GNE: variants seen among roughly 807,000 people sequenced by gnomAD.
The protein encoded by GNE is bifunctional UDP-N-acetylglucosamine 2-epimerase/N-acetylmannosamine kinase.
A neutral mutation model predicts 61.8 loss-of-function variants in GNE; 41 were observed. The ratio of observed to expected loss-of-function variants is 0.66; its 90% confidence interval spans 0.52 to 0.86. GNE has a LOEUF of 0.86. Ranked by LOEUF, GNE falls within the 40% of genes least tolerant of loss-of-function variation. The pLI is 0.00. For synonymous variants in GNE, 264 were observed against 326.4 expected, an observed-to-expected ratio of 0.81 and a Z score of 2.06; for missense variants, 608 against 909.1, an observed-to-expected ratio of 0.67 and a Z score of 4.26.
chr9:36,239,822 G>A (rs1169187672), intron 3 of GNE, among the ~76,000 whole-genome samples: 2 of 150,554 alleles, frequency 1.3e-5, no homozygotes, highest in African/African-American at 4.9e-5. Context: ...GAGGTCTTTT[G>A]ACTCCTTGGT....
rs541458680 is a variant in GNE at position 36,219,842 on chromosome 9, A to G, written c.1812T>C (p.His604=). 4 of 1,613,870 alleles carry G rather than the reference A, an allele frequency of 2.5e-6. No individual in the cohort carries two copies. Among genetic ancestry groups the G allele is most frequent in the Non-Finnish European group, 3.4e-6 (4 of 1,179,830 alleles). The change falls in exon 10 of 12, where the codon CAT becomes CAC. Residue 604 remains histidine, a synonymous_variant. Coordinates refer to ENST00000642385, the MANE Select transcript of GNE (RefSeq NM_005476.7). The part of the protein sequence containing the change: ...MALQREAKKL[H]DEDLLLVEGM... ...CCTCGAGAGAGGGACACCAACCATCATGGAGCTTTTTTGCCTCCCTCTGCA... is the reference window on the plus strand; with the variant it reads ...CCTCGAGAGAGGGACACCAACCATCGTGGAGCTTTTTTGCCTCCCTCTGCA...
In GNE at chr9:36,246,258, AT is replaced by A. The variant is rs1423445315; in HGVS notation, c.388del (p.Ile130SerfsTer21). 1.9e-6 allele frequency: 3 copies of A among 1,614,080 alleles called. No homozygotes were observed. Among genetic ancestry groups the A allele is most frequent in the Admixed American group, 3.3e-5 (2 of 60,022 alleles). On this transcript the variant is annotated frameshift_variant, in exon 3 of 12. Transcript: ENST00000642385. LOFTEE classifies it high-confidence loss of function. ...ATSAALMNIR[I>X]LHIEGGEVSG... is the part of the protein sequence containing the mutation. ...GACTTCCCCACCTTCAATGTGAAGG[AT>A]TCGGATGTTCATCAAGGCAGCAGAT...
At chr9:36,231,066 T>TAAAAAAAAA (rs529903965) in intron 5 of GNE, among the ~76,000 whole-genome samples, 56 of 68,294 alleles carry the variant, frequency 8.2e-4, no homozygotes, top group African/African-American at 2.3e-3. Flanking sequence ...ACTGCTTCAC[T>TAAAAAAAAA]AAAAAAAAAA....
At position 36,257,767 on chromosome 9, in the gene GNE, C is replaced by A. The variant is rs367722507; in HGVS notation, c.-43+554G>T. Among the ~76,000 whole-genome samples the A allele has an allele frequency of 3.4e-3, 423 of 125,540 alleles. 2 individuals carry two copies. The highest frequency in any genetic ancestry group is 0.012 in the African/African-American group (395 of 32,090). 82.4% of individuals were successfully genotyped at this position (125,540 alleles called of 152,430 possible). A position where few individuals can be genotyped will look rare whatever the true frequency, so the allele number is the denominator to read the frequency against. On this transcript the variant is annotated intron_variant, in intron 1 of 11. Coordinates refer to ENST00000642385, the MANE Select transcript of GNE (RefSeq NM_005476.7). ...GCAGTGAGCCGAGATCGCGCCACTGCACTCCAGCCTGGGCGACAGAGCGAG... is the reference window on the plus strand; with the variant it reads ...GCAGTGAGCCGAGATCGCGCCACTGAACTCCAGCCTGGGCGACAGAGCGAG...
chr9:36,276,899 G>A (rs777071346), exon 1 of GNE: 1 of 1,610,050 alleles, frequency 6.2e-7, no homozygotes, highest in South Asian at 1.1e-5. Flanking sequence ...CTTACATGAG[G>A]TCCTTGAAAG....
At chr9:36,241,297 A>G (rs1331762166) in intron 3 of GNE, among the ~76,000 whole-genome samples, 1 of 151,934 alleles carries the variant, frequency 6.6e-6, no homozygotes. Flanking sequence ...TGTATTTTTT[A>G]GTAGAGATGG....
intron 5 of GNE, among the ~76,000 whole-genome samples, chr9:36,230,680 G>A (rs894310289): frequency 3.4e-5 from 5 of 145,068 alleles, no homozygotes; most frequent in Non-Finnish European, 3.0e-5. Flanking sequence ...TTTTTTTTGA[G>A]ACGGAGTCTC....
intron 1 of GNE, among the ~76,000 whole-genome samples, chr9:36,252,597 C>T (rs943677980): frequency 5.3e-5 from 8 of 152,000 alleles, no homozygotes; most frequent in African/African-American, 1.9e-4. Flanking sequence ...ACCTAGAAAC[C>T]TAAAAAACCT....
intron 1 of GNE, among the ~76,000 whole-genome samples, chr9:36,275,353 A>G (rs1831222235): frequency 1.3e-5 from 2 of 152,202 alleles, no homozygotes; most frequent in African/African-American, 4.8e-5. Flanking sequence ...AAGAGAGAAC[A>G]TGATGTGATT....
intron 1 of GNE, among the ~76,000 whole-genome samples, chr9:36,256,365 C>G (rs1387638735): frequency 1.3e-5 from 2 of 151,280 alleles, no homozygotes; most frequent in East Asian, 3.9e-4. Context: ...CTATCTCAGC[C>G]TCCTGAGTAG....
intron 1 of GNE, among the ~76,000 whole-genome samples, chr9:36,270,642 C>T (rs938633275): frequency 3.3e-5 from 5 of 152,002 alleles, no homozygotes; most frequent in African/African-American, 9.7e-5. Context: ...CTCAGCCTCC[C>T]GAGTAGCTGG....
chr9:36,218,359 A>T lies in GNE; in HGVS notation c.1817-60T>A, dbSNP rs1375091180. The T allele has an allele frequency of 8.2e-7, 1 of 1,218,854 alleles. No homozygotes were observed. Among genetic ancestry groups the T allele is most frequent in the Non-Finnish European group, 1.2e-6 (1 of 820,730 alleles). The allele number at this position is 1,218,854 out of a possible 1,614,324, so 75.5% of individuals were successfully genotyped here. On this transcript the variant is annotated intron_variant, in intron 10 of 11. Transcript: ENST00000642385. This position sits in a 1 kb window ranked among gnomAD's most constrained non-coding sequence, Gnocchi z 4.1. ...GAGCTGTGGGGAGGCCAAGCTCACC[A>T]CTGGGCCTGTGGAAAGCAAGCCCCT...
chr9:36,225,079 C>T (rs1007315720), intron 7 of GNE, among the ~76,000 whole-genome samples: 1 of 151,942 alleles, frequency 6.6e-6, no homozygotes, highest in Non-Finnish European at 1.5e-5. Flanking sequence ...TTATGTTGAT[C>T]TTATAAATCA....
At position 36,246,167 on chromosome 9, in the gene GNE, G is replaced by A. The variant is rs1360990295; in HGVS notation, c.480C>T (p.Cys160=). 3.7e-6 allele frequency: 6 copies of A among 1,614,190 alleles called. No individual in the cohort carries two copies. The East Asian group carries it at 8.9e-5, about 24-fold the overall frequency. The part of the protein sequence containing the change: ...ITKLAHYHVC[C]TRSAEQHLIS... The stretch of plus-strand genomic sequence containing the variant: ...TCAGGTGCTGCTCTGCACTGCGGGT[G>A]CAGCACACATGATAATGAGCCAGTT... The change falls in exon 3 of 12, where the codon TGC becomes TGT. Residue 160 remains cysteine, a synonymous_variant. Coordinates refer to ENST00000642385, the MANE Select transcript of GNE (RefSeq NM_005476.7).
intron 1 of GNE, among the ~76,000 whole-genome samples, chr9:36,266,339 C>G (rs1476270713): frequency 2.6e-5 from 4 of 152,248 alleles, no homozygotes; most frequent in Non-Finnish European, 5.9e-5. Flanking sequence ...ACCTTACAAA[C>G]CAGATATCAC....
chr9:36,225,613 C>A (rs370047049), intron 7 of GNE, among the ~76,000 whole-genome samples: 2 of 152,064 alleles, frequency 1.3e-5, no homozygotes, highest in African/African-American at 4.8e-5. Context: ...CCAGCCTGGG[C>A]GACAGAGCAA....
At chr9:36,259,717 G>A (rs1163092086), upstream of GNE, among the ~76,000 whole-genome samples, 1 of 152,202 alleles carries the variant, frequency 6.6e-6, no homozygotes. Context: ...CTGGAGTACA[G>A]TGGTACGATC....
chr9:36,274,288 G>A (rs1320900671), intron 1 of GNE, among the ~76,000 whole-genome samples: 1 of 151,968 alleles, frequency 6.6e-6, no homozygotes, highest in Admixed American at 6.6e-5. Flanking sequence ...TAGAACTAGG[G>A]TCTCGCTATG....
intron 3 of GNE, among the ~76,000 whole-genome samples, chr9:36,242,729 C>CTTTTTT (rs1563944077): frequency 1.1e-5 from 1 of 92,922 alleles, no homozygotes; most frequent in African/African-American, 4.1e-5. Flanking sequence ...GGGTTTTATG[C>CTTTTTT]TTGTTTTTTT....
Sources: allele counts gnomAD v4.1 joint callset (sites outside exome capture counted in the v4.1 genomes callset), GRCh38; gene constraint gnomAD v4.1.1; non-coding constraint Gnocchi (gnomAD v3.1); transcripts MANE v1.5; gene names NCBI Gene and HGNC (gene_info 2026-07-23, HGNC 2026-07-21).